UPP1: variants seen among roughly 807,000 people sequenced by gnomAD.
UPP1 encodes the protein UPase 1.
UPP1 carries 25 observed loss-of-function variants against 29.6 expected under a neutral mutation model. The observed-to-expected ratio is 0.85, with a 90% CI of 0.62 to 1.18. UPP1 has a LOEUF of 1.18. Ranked by LOEUF, UPP1 falls within the 50% of genes most tolerant of loss-of-function variation. The pLI is 0.00. For missense variants in UPP1, 368 were observed against 410.4 expected, an observed-to-expected ratio of 0.90 and a Z score of 0.89; for synonymous variants, 165 against 159.8, an observed-to-expected ratio of 1.03 and a Z score of -0.25.
intron 6 of UPP1, among the ~76,000 whole-genome samples, chr7:48,104,463 G>T (rs1277317272): frequency 6.6e-6 from 1 of 152,146 alleles, no homozygotes; most frequent in East Asian, 1.9e-4. Flanking sequence ...GAAGAAGCCT[G>T]CATGTGCCCT....
chr7:48,103,555 A>C (rs1792552400), intron 6 of UPP1, 144 bp downstream of exon 6: 1 of 899,526 alleles, frequency 1.1e-6, no homozygotes, highest in African/African-American at 1.7e-5. Flanking sequence ...AGGAGGTGTG[A>C]AAAGAAGCTT....
At chr7:48,108,174 A>T (rs1250805771) in intron 8 of UPP1, 44 bp from the exon 9 acceptor site, 1 of 1,585,800 alleles carries the variant, frequency 6.3e-7, no homozygotes. Context: ...GTGAAATGTT[A>T]GACCCCCGGC....
Position 48,099,502 on chromosome 7 carries a change from G to A in UPP1, c.45-168G>A, listed in dbSNP as rs1792301074. 2.0e-5 allele frequency among the ~76,000 whole-genome samples: 3 copies of A among 152,152 alleles called. No homozygotes were observed. The South Asian group carries it at 6.2e-4, about 32-fold the overall frequency. On this transcript the variant is annotated intron_variant, in intron 3 of 8. Transcript: ENST00000395564. Reference sequence around the variant, plus strand: ...GGGAGGAGAAGGGGGAAGAACAGAGGGGAGGCAAGTGCGGACCTTGGCAAT... The same window carrying A: ...GGGAGGAGAAGGGGGAAGAACAGAGAGGAGGCAAGTGCGGACCTTGGCAAT...
chr7:48,107,479 C>T lies in UPP1; in HGVS notation c.765C>T (p.Ala255=), dbSNP rs75887102. 4.4e-4 allele frequency: 703 copies of T among 1,613,472 alleles called. No homozygotes were observed. The African/African-American group carries it at 8.1e-3, about 19-fold the overall frequency. The change falls in exon 8 of 9, where the codon GCC becomes GCT. Residue 255 remains alanine, a synonymous_variant. Transcript: ENST00000395564. ...TCGAGATGGAGTCCTCGGTGTTTGC[C>T]GCCATGTGCAGCGCCTGCGGCCTCC... ...RNIEMESSVF[A]AMCSACGLQA...
intron 6 of UPP1, chr7:48,104,040 A>G: frequency 3.8e-6 from 2 of 523,526 alleles, no homozygotes; most frequent in Non-Finnish European, 5.9e-6. Context: ...CAACATGGTG[A>G]AACCCCGTCT....
chr7:48,106,817 T>A, intron 6 of UPP1, 56 bp from the exon 7 acceptor site: 1 of 1,577,500 alleles, frequency 6.3e-7, no homozygotes, highest in South Asian at 1.1e-5. Flanking sequence ...GCTGCCCTGC[T>A]TTAATTTTAT....
intron 5 of UPP1, 30 bp downstream of exon 5, chr7:48,102,012 C>T (rs760538260): frequency 1.7e-5 from 27 of 1,603,280 alleles, no homozygotes; most frequent in Non-Finnish European, 2.3e-5. Context: ...TGTGCTCAGT[C>T]TCTAGGCTCT....
chr7:48,108,363 G>T lies in UPP1; in HGVS notation c.*6G>T. The T allele has an allele frequency of 6.2e-7, 1 of 1,610,936 alleles. No individual in the cohort carries two copies. The highest frequency in any genetic ancestry group is 2.2e-5 in the East Asian group (1 of 44,752). On this transcript the variant is annotated 3_prime_UTR_variant, in exon 9 of 9. Transcript: ENST00000395564. Reference sequence around the variant, plus strand: ...AGAAACTGAGCAAGGCCTGAGCGCTGCCCTGCACCTCCGCAGACCTGCTGT... The same window carrying T: ...AGAAACTGAGCAAGGCCTGAGCGCTTCCCTGCACCTCCGCAGACCTGCTGT...
upstream of UPP1, chr7:48,089,104 A>C (rs1409634330): frequency 1.4e-5 from 2 of 141,400 alleles, no homozygotes; most frequent in African/African-American, 5.3e-5. Flanking sequence ...GGGGCAGAGG[A>C]AGGTGGGGGC....
At chr7:48,091,949 C>T (rs13240650) in intron 2 of UPP1, among the ~76,000 whole-genome samples, 74,526 of 152,008 alleles carry the variant, frequency 0.49, 19,129 homozygotes, top group South Asian at 0.64. Context: ...CAAGGCCAGA[C>T]GGGAAGTTCT....
At chr7:48,095,887 T>G (rs1032037103) in intron 3 of UPP1, among the ~76,000 whole-genome samples, 1 of 152,206 alleles carries the variant, frequency 6.6e-6, no homozygotes, top group Non-Finnish European at 1.5e-5. Flanking sequence ...CCTCAAGTGA[T>G]CCACCCGCCT....
intron 2 of UPP1, among the ~76,000 whole-genome samples, 152 bp from the exon 3 acceptor site, chr7:48,094,611 C>T (rs763165257): frequency 3.3e-5 from 5 of 152,344 alleles, no homozygotes; most frequent in East Asian, 1.9e-4. Context: ...TCCTCTCTCT[C>T]TGTTTCTATT....
At chr7:48,101,753 T>C in intron 4 of UPP1, 71 bp from the exon 5 acceptor site, 1 of 1,528,660 alleles carries the variant, frequency 6.5e-7, no homozygotes, top group Non-Finnish European at 8.8e-7. Flanking sequence ...ATGTTGCTGG[T>C]CTAGGGGCCC....
intron 6 of UPP1, chr7:48,106,031 A>G (rs1430413846): frequency 6.6e-6 from 1 of 152,312 alleles, no homozygotes; most frequent in African/African-American, 2.4e-5. Context: ...GACCCTAATA[A>G]TGCATCAATC....
intron 6 of UPP1, chr7:48,105,890 C>CA (rs1285976936): frequency 6.6e-6 from 1 of 152,176 alleles, no homozygotes; most frequent in Non-Finnish European, 1.5e-5. Flanking sequence ...GGGAAACCAG[C>CA]ATTCAGTCCA....
In UPP1 at chr7:48,089,279, G is replaced by T. The variant is rs1395785398; in HGVS notation, c.-338G>T. Reference sequence around the variant, plus strand: ...GTGGTTCCCTCATTCGAGTGCTCCGGCGCACAGACCCGCGCCCCGCCGTCT... The same window carrying T: ...GTGGTTCCCTCATTCGAGTGCTCCGTCGCACAGACCCGCGCCCCGCCGTCT... On this transcript the variant is annotated 5_prime_UTR_variant, in exon 1 of 9. Coordinates refer to ENST00000395564, the MANE Select transcript of UPP1 (RefSeq NM_003364.4). The T allele has an allele frequency of 1.3e-5, 2 of 152,362 alleles. No homozygotes were observed. The highest frequency in any genetic ancestry group is 2.9e-5 in the Non-Finnish European group (2 of 68,192). The allele number at this position is 152,362 out of a possible 1,614,324, so 9.4% of individuals were successfully genotyped here.
At chr7:48,091,471 G>A (rs1294892500) in intron 2 of UPP1, among the ~76,000 whole-genome samples, 1 of 152,124 alleles carries the variant, frequency 6.6e-6, no homozygotes, top group Admixed American at 6.5e-5. Flanking sequence ...GGAGGGGAGC[G>A]AAGAGCATGG....
chr7:48,093,293 A>T (rs1196642398), intron 2 of UPP1, among the ~76,000 whole-genome samples: 1 of 152,240 alleles, frequency 6.6e-6, no homozygotes, highest in Non-Finnish European at 1.5e-5. Context: ...TTCTCCAAAA[A>T]GGGACCTTTT....
At chr7:48,097,303 G>A (rs1330058176) in intron 3 of UPP1, among the ~76,000 whole-genome samples, 2 of 150,768 alleles carry the variant, frequency 1.3e-5, no homozygotes, top group Admixed American at 6.6e-5. Flanking sequence ...GTGTGATCAG[G>A]GCTCACTGCA....
Sources: gnomAD v4.1 joint callset for allele counts (sites outside exome capture counted in the v4.1 genomes callset) on GRCh38, gnomAD v4.1.1 for gene constraint, MANE v1.5 for transcripts, NCBI Gene and HGNC (gene_info 2026-07-23, HGNC 2026-07-21) for gene names.